TRIM5: variants seen among roughly 807,000 people sequenced by gnomAD.
The protein encoded by TRIM5 is tripartite motif containing 5, also known as tripartite motif-containing protein 5.
A neutral mutation model predicts 35.6 loss-of-function variants in TRIM5; 31 were observed. The observed-to-expected ratio is 0.87, with a 90% confidence interval of 0.65 to 1.18. The LOEUF (loss-of-function observed/expected upper bound fraction) is 1.18. TRIM5 is among the 50% of genes most tolerant of loss of function. The pLI, the probability that TRIM5 is intolerant of heterozygous loss-of-function variation, is 0.00. For missense variants in TRIM5, 609 were observed against 591.6 expected (o/e 1.03, Z -0.31); for synonymous variants, 243 against 215.6 (o/e 1.13, Z -1.11).
the TRIM5 span, among the ~76,000 whole-genome samples, chr11:5,619,251 C>G: frequency 6.6e-6 from 1 of 151,360 alleles, no homozygotes; most frequent in Non-Finnish European, 1.5e-5. Context: ...TTGCCATTAT[C>G]AATATTTTGA....
intron 4 of TRIM5, among the ~76,000 whole-genome samples, 200 bp from the exon 5 acceptor site, chr11:5,667,911 A>G (rs1469080331): frequency 2.0e-5 from 3 of 152,174 alleles, no homozygotes; most frequent in Non-Finnish European, 4.4e-5. Context: ...AAAAGTAGAA[A>G]TAGCTTTCAT....
At chr11:5,608,373 A>G in the TRIM5 span, 5 of 1,613,534 alleles carry the variant, frequency 3.1e-6, no homozygotes, top group African/African-American at 6.7e-5. Flanking sequence ...CCTTCCTAGG[A>G]TGTGAGTGAT....
At chr11:5,653,713 G>T in the TRIM5 span, among the ~76,000 whole-genome samples, 2 of 151,670 alleles carry the variant, frequency 1.3e-5, no homozygotes, top group Non-Finnish European at 2.9e-5. Flanking sequence ...GGCTGGTCTC[G>T]AACTCCTGAC....
the TRIM5 span, among the ~76,000 whole-genome samples, chr11:5,592,764 A>G: frequency 6.6e-6 from 1 of 151,824 alleles, no homozygotes; most frequent in Non-Finnish European, 1.5e-5. Flanking sequence ...AAAATACACA[A>G]AAATTTACCC....
At chr11:5,638,914 T>C in the TRIM5 span, among the ~76,000 whole-genome samples, 1 of 152,196 alleles carries the variant, frequency 6.6e-6, no homozygotes, top group Non-Finnish European at 1.5e-5. Context: ...CAAAGTTTTT[T>C]TTTTCTGGTG....
chr11:5,612,693 T>G, the TRIM5 span: 1 of 152,164 alleles, frequency 6.6e-6, no homozygotes, highest in Admixed American at 6.5e-5. Flanking sequence ...AAGAGGTACA[T>G]GTGAGGGTAG....
At chr11:5,644,281 G>T in the TRIM5 span, 1 of 398,720 alleles carries the variant, frequency 2.5e-6, no homozygotes, top group South Asian at 1.3e-4. Context: ...ATATAAATTG[G>T]GATTTAAGAC....
the TRIM5 span, among the ~76,000 whole-genome samples, chr11:5,652,303 T>C: frequency 6.6e-6 from 1 of 152,342 alleles, no homozygotes; most frequent in East Asian, 1.9e-4. Flanking sequence ...TTTTAGGTTT[T>C]ATATTTAATT....
At chr11:5,608,951 A>G in the TRIM5 span, among the ~76,000 whole-genome samples, 1 of 141,914 alleles carries the variant, frequency 7.0e-6, no homozygotes, top group African/African-American at 2.7e-5. Flanking sequence ...CGTGAATTTT[A>G]TCAGAGTGAC....
the TRIM5 span, among the ~76,000 whole-genome samples, chr11:5,591,822 G>A: frequency 6.4e-3 from 981 of 152,276 alleles, 13 homozygotes; most frequent in African/African-American, 0.022. Flanking sequence ...TCCTCAGTCT[G>A]AGCATTTGGG....
chr11:5,597,930 A>AATT, the TRIM5 span, among the ~76,000 whole-genome samples: 1 of 151,880 alleles, frequency 6.6e-6, no homozygotes, highest in African/African-American at 2.4e-5. Flanking sequence ...CTTTAATATT[A>AATT]AAGTGCAGAT....
the TRIM5 span, chr11:5,604,546 G>A: frequency 6.2e-7 from 1 of 1,611,902 alleles, no homozygotes; most frequent in Non-Finnish European, 8.5e-7. Context: ...GAAGTTTCAG[G>A]AGTCTCTAAA....
In TRIM5 at chr11:5,666,738, G is replaced by A. The variant is rs561842143; in HGVS notation, c.768-657C>T. 7.2e-5 allele frequency among the ~76,000 whole-genome samples: 11 copies of A among 152,360 alleles called. No individual in the cohort carries two copies. In the East Asian group the frequency reaches 1.5e-3, roughly 21 times the overall value. On this transcript the variant is annotated intron_variant, in intron 5 of 7. Transcript: ENST00000380034. ...GTTAGAAAGAACTTGATACCACCAC[G>A]TAGGTGTGCGAGGTGTGCGATTTTA...
chr11:5,661,207 G>C (rs1007181011), downstream of TRIM5, among the ~76,000 whole-genome samples: 2 of 151,568 alleles, frequency 1.3e-5, no homozygotes, highest in Admixed American at 1.3e-4. Flanking sequence ...GCATCAAGAA[G>C]GAGTATTGGT....
At chr11:5,603,537 C>A in the TRIM5 span, 277 of 1,613,966 alleles carry the variant, frequency 1.7e-4, 2 homozygotes, top group Middle Eastern at 1.8e-3. Flanking sequence ...GGCATCTGGC[C>A]AACATAGTGA....
At chr11:5,650,602 G>C in the TRIM5 span, among the ~76,000 whole-genome samples, 1 of 152,196 alleles carries the variant, frequency 6.6e-6, no homozygotes, top group Non-Finnish European at 1.5e-5. Flanking sequence ...ATGCACATGT[G>C]AGCCACTTCT....
the TRIM5 span, among the ~76,000 whole-genome samples, chr11:5,604,063 CCGGCTCACTGCA>C: frequency 1.3e-5 from 2 of 151,900 alleles, no homozygotes; most frequent in African/African-American, 4.8e-5. Context: ...TGGTGCGATC[CCGGCTCACTGCA>C]ACCTCCGCCT....
At chr11:5,680,614 G>A (rs1034638474) in intron 1 of TRIM5, among the ~76,000 whole-genome samples, 4 of 152,156 alleles carry the variant, frequency 2.6e-5, no homozygotes, top group African/African-American at 9.7e-5. Context: ...AACAGCTTAT[G>A]CCTCAGGGCT....
At chr11:5,655,218 C>T in the TRIM5 span, among the ~76,000 whole-genome samples, 1 of 151,422 alleles carries the variant, frequency 6.6e-6, no homozygotes, top group Non-Finnish European at 1.5e-5. Context: ...AGGAAATGGC[C>T]TTTTCTTGCC....
Sources: allele counts gnomAD v4.1 joint callset (sites outside exome capture counted in the v4.1 genomes callset), GRCh38; gene constraint gnomAD v4.1.1; transcripts MANE v1.5; gene names NCBI Gene and HGNC (gene_info 2026-07-23, HGNC 2026-07-21).